CDC5L: variants seen among roughly 807,000 people sequenced by gnomAD.
CDC5L encodes the protein cell division cycle 5 like.
CDC5L carries 18 observed loss-of-function variants against 104.1 expected under a neutral mutation model. That is an observed-to-expected ratio of 0.17 (90% confidence interval 0.12 to 0.26). CDC5L has a LOEUF of 0.26. CDC5L is among the 10% of genes least tolerant of loss of function. The pLI is 1.00. For missense variants in CDC5L, 673 were observed against 956.9 expected, an observed-to-expected ratio of 0.70 and a Z score of 3.91; for synonymous variants, 331 against 322.7, an observed-to-expected ratio of 1.03 and a Z score of -0.28.
intron 14 of CDC5L, among the ~76,000 whole-genome samples, chr6:44,442,640 A>G (rs566193328): frequency 2.0e-5 from 3 of 152,156 alleles, no homozygotes; most frequent in African/African-American, 4.8e-5. Flanking sequence ...TTTTTATATA[A>G]TATTTATTCC....
chr6:44,437,550 C>G (rs903686591), intron 14 of CDC5L, among the ~76,000 whole-genome samples: 2 of 152,080 alleles, frequency 1.3e-5, no homozygotes, highest in Non-Finnish European at 2.9e-5. Context: ...AGAAGACTTG[C>G]AAAGCTTGAG....
At position 44,441,151 on chromosome 6, in the gene CDC5L, T is replaced by C. The variant is rs567446267; in HGVS notation, c.2092-4504T>C. Reference sequence around the variant, plus strand: ...ATCTCCCCTTTCCCTATCTACCCTTTACCCCAGTATCCTCTGGTAGCCACC... The same window carrying C: ...ATCTCCCCTTTCCCTATCTACCCTTCACCCCAGTATCCTCTGGTAGCCACC... On this transcript the variant is annotated intron_variant, in intron 14 of 15. Coordinates refer to ENST00000371477, the MANE Select transcript of CDC5L (RefSeq NM_001253.4). Among the ~76,000 whole-genome samples, 92 of 152,350 alleles carry C rather than the reference T, an allele frequency of 6.0e-4. No homozygotes were observed. In the South Asian group the frequency reaches 0.011, roughly 19 times the overall value.
Position 44,446,747 on chromosome 6 carries a change from T to C in CDC5L, c.*36T>C, listed in dbSNP as rs1396347831. 9.4e-7 allele frequency: 1 copy of C among 1,060,584 alleles called. No homozygotes were observed. Among genetic ancestry groups the C allele is most frequent in the Non-Finnish European group, 1.4e-6 (1 of 706,370 alleles). The allele number at this position is 1,060,584 out of a possible 1,614,324, so 65.7% of individuals were successfully genotyped here. ...ATATTCTGTCACAGGATTAATTAATTGCCGGTTTTCATACTCTAGAAGGCT... is the reference window on the plus strand; with the variant it reads ...ATATTCTGTCACAGGATTAATTAATCGCCGGTTTTCATACTCTAGAAGGCT... On this transcript the variant is annotated 3_prime_UTR_variant, in exon 16 of 16. Coordinates refer to ENST00000371477, the MANE Select transcript of CDC5L (RefSeq NM_001253.4).
At chr6:44,404,120 A>T (rs1338565292) in intron 6 of CDC5L, 93 bp downstream of exon 6, 2 of 747,778 alleles carry the variant, frequency 2.7e-6, no homozygotes, top group Admixed American at 6.6e-5. Context: ...CCAGATTTTT[A>T]TTATTTATTT....
At chr6:44,435,396 A>C (rs979738555) in intron 14 of CDC5L, among the ~76,000 whole-genome samples, 4 of 152,044 alleles carry the variant, frequency 2.6e-5, no homozygotes, top group African/African-American at 7.2e-5. Context: ...AAGTGGGTAC[A>C]TGTAGGTGAG....
chr6:44,408,154 A>T (rs573455138), intron 7 of CDC5L, among the ~76,000 whole-genome samples: 1 of 152,338 alleles, frequency 6.6e-6, no homozygotes, highest in African/African-American at 2.4e-5. Flanking sequence ...TTTCAAAGCC[A>T]CAAAAAAGAT....
At chr6:44,431,990 C>T (rs1442471143) in intron 14 of CDC5L, among the ~76,000 whole-genome samples, 2 of 152,098 alleles carry the variant, frequency 1.3e-5, no homozygotes, top group Non-Finnish European at 2.9e-5. Context: ...GTTTACCCAG[C>T]TAGTTACTTT....
At chr6:44,443,127 T>C (rs1793286257) in intron 14 of CDC5L, among the ~76,000 whole-genome samples, 1 of 151,754 alleles carries the variant, frequency 6.6e-6, no homozygotes, top group Admixed American at 6.6e-5. Context: ...TCTTTTCTTT[T>C]CCTTCCTTCC....
intron 14 of CDC5L, among the ~76,000 whole-genome samples, chr6:44,437,374 A>G (rs1256344416): frequency 3.3e-5 from 5 of 152,236 alleles, no homozygotes; most frequent in Non-Finnish European, 5.9e-5. Context: ...GACAGGCGTA[A>G]GATAACTAAG....
chr6:44,418,356 A>G (rs11571971), intron 8 of CDC5L, among the ~76,000 whole-genome samples: 2,834 of 152,242 alleles, frequency 0.019, 69 homozygotes, highest in African/African-American at 0.058. Context: ...ATAGTATTCC[A>G]TGGTGTATAT....
At chr6:44,435,303 A>C (rs1303883218) in intron 14 of CDC5L, among the ~76,000 whole-genome samples, 1 of 151,866 alleles carries the variant, frequency 6.6e-6, no homozygotes. Flanking sequence ...TTATAGTTTT[A>C]TAGCTTGTTA....
intron 14 of CDC5L, among the ~76,000 whole-genome samples, chr6:44,441,850 G>A (rs1166770220): frequency 6.7e-6 from 1 of 148,560 alleles, no homozygotes; most frequent in Admixed American, 6.7e-5. Flanking sequence ...TTGTTTGTTT[G>A]TATATTTTGG....
At chr6:44,432,252 T>C (rs1157294679) in intron 14 of CDC5L, among the ~76,000 whole-genome samples, 1 of 152,214 alleles carries the variant, frequency 6.6e-6, no homozygotes, top group Non-Finnish European at 1.5e-5. Context: ...TTCAGTTGAT[T>C]GCTAAATTAT....
intron 8 of CDC5L, among the ~76,000 whole-genome samples, chr6:44,413,215 G>A (rs2153379201): frequency 6.6e-6 from 1 of 152,238 alleles, no homozygotes; most frequent in East Asian, 1.9e-4. Flanking sequence ...TCCCTATTCT[G>A]CACATATATG....
intron 8 of CDC5L, among the ~76,000 whole-genome samples, chr6:44,418,619 T>G (rs1426698095): frequency 6.6e-6 from 1 of 152,144 alleles, no homozygotes; most frequent in East Asian, 1.9e-4. Flanking sequence ...ACCAGCAGTG[T>G]AAAAGTGTTC....
intron 14 of CDC5L, 95 bp downstream of exon 14, chr6:44,430,005 T>C: frequency 1.1e-6 from 1 of 925,620 alleles, no homozygotes; most frequent in Non-Finnish European, 1.6e-6. Context: ...AAAACACACC[T>C]GAGGTGCTTA....
chr6:44,394,898 A>C (rs1165387770), intron 4 of CDC5L, among the ~76,000 whole-genome samples: 2 of 10,124 alleles, frequency 2.0e-4, no homozygotes, highest in Non-Finnish European at 3.8e-4. Context: ...GTATACACAC[A>C]CACACACACA....
At chr6:44,412,790 T>TG (rs1451961974) in intron 8 of CDC5L, among the ~76,000 whole-genome samples, 3 of 141,706 alleles carry the variant, frequency 2.1e-5, no homozygotes, top group Admixed American at 7.0e-5. Context: ...TCTTTTTTTT[T>TG]TTTTTTTTTT....
At chr6:44,435,874 A>G (rs1792911643) in intron 14 of CDC5L, among the ~76,000 whole-genome samples, 1 of 151,154 alleles carries the variant, frequency 6.6e-6, no homozygotes, top group Non-Finnish European at 1.5e-5. Flanking sequence ...CTCTGCCTCC[A>G]GGGTTCAAGC....
Sources: allele counts gnomAD v4.1 joint callset (sites outside exome capture counted in the v4.1 genomes callset), GRCh38; gene constraint gnomAD v4.1.1; transcripts MANE v1.5; gene names NCBI Gene and HGNC (gene_info 2026-07-23, HGNC 2026-07-21).